The following ZBTB40 variants were observed in gnomAD, a reference collection of about 807,000 sequenced individuals.
ZBTB40 encodes zinc finger and BTB domain containing 40.
A neutral mutation model predicts 117.5 loss-of-function variants in ZBTB40; 60 were observed. The observed-to-expected ratio is 0.51, with a 90% CI of 0.41 to 0.63. The LOEUF is 0.63. Ranked by LOEUF, ZBTB40 falls within the 30% of genes least tolerant of loss-of-function variation. The pLI is 0.00. For synonymous variants in ZBTB40, 525 were observed against 577.1 expected (o/e 0.91, Z 1.29); for missense variants, 1,287 against 1,498.5 (o/e 0.86, Z 2.33).
At chr1:22,502,547 C>A in intron 5 of ZBTB40, 106 bp downstream of exon 5, 1 of 1,451,092 alleles carries the variant, frequency 6.9e-7, no homozygotes, top group Non-Finnish European at 9.6e-7. Flanking sequence ...TTAATACATA[C>A]TGCATAGTAA....
intron 4 of ZBTB40, 118 bp from the exon 5 acceptor site, chr1:22,502,181 C>A: frequency 8.2e-7 from 1 of 1,214,048 alleles, no homozygotes; most frequent in Non-Finnish European, 1.2e-6. Flanking sequence ...CATTCAGGTG[C>A]TCAGAATAAG....
At chr1:22,497,002 G>A (rs963709942) in intron 3 of ZBTB40, among the ~76,000 whole-genome samples, 14 of 152,310 alleles carry the variant, frequency 9.2e-5, no homozygotes, top group African/African-American at 2.9e-4. Context: ...GCAAACCACC[G>A]GTGTAAGTCC....
At chr1:22,495,367 G>A (rs1251096761) in intron 3 of ZBTB40, among the ~76,000 whole-genome samples, 1 of 152,156 alleles carries the variant, frequency 6.6e-6, no homozygotes, top group Non-Finnish European at 1.5e-5. Context: ...CTTTATATCA[G>A]TGTAATATCC....
At chr1:22,495,784 G>A (rs904668724) in intron 3 of ZBTB40, among the ~76,000 whole-genome samples, 15 of 152,282 alleles carry the variant, frequency 9.9e-5, no homozygotes, top group African/African-American at 3.6e-4. Flanking sequence ...CCAAAGTGCT[G>A]GGATTACAGG....
chr1:22,510,566 G>A (rs1419858998), intron 9 of ZBTB40, among the ~76,000 whole-genome samples: 1 of 152,166 alleles, frequency 6.6e-6, no homozygotes, highest in Non-Finnish European at 1.5e-5. Flanking sequence ...TCAGTGTACC[G>A]ACTCTTTCTG....
At chr1:22,439,826 A>G (rs1162680928) in intron 1 of ZBTB40, among the ~76,000 whole-genome samples, 4 of 152,228 alleles carry the variant, frequency 2.6e-5, no homozygotes, top group Non-Finnish European at 5.9e-5. Context: ...GACCATTAAT[A>G]TTCCATATAA....
Position 22,529,659 on chromosome 1 carries a change from A to G in ZBTB40, c.*3263A>G, listed in dbSNP as rs1639777863. On this transcript the variant is annotated 3_prime_UTR_variant, in exon 18 of 18. Coordinates refer to ENST00000375647, the MANE Select transcript of ZBTB40 (RefSeq NM_014870.4). ...TATGGGTAAAGAGACATGAAGAGAC[A>G]GCCTCTCTCTTCTGTCTCAGAAGCT... 1 of 152,252 alleles carries G rather than the reference A, an allele frequency of 6.6e-6. No homozygotes were observed. Among genetic ancestry groups the G allele is most frequent in the African/African-American group, 2.4e-5 (1 of 41,434 alleles). 9.4% of individuals were successfully genotyped at this position (152,252 alleles called of 1,614,324 possible). A position where few individuals can be genotyped will look rare whatever the true frequency, so the allele number is the denominator to read the frequency against.
At chr1:22,490,677 T>C in intron 2 of ZBTB40, 32 bp downstream of exon 2, 2 of 1,606,216 alleles carry the variant, frequency 1.2e-6, no homozygotes, top group East Asian at 4.5e-5. Flanking sequence ...TCCATCCTTC[T>C]GTTTTCAATG....
Position 22,517,423 on chromosome 1 carries a change from G to C in ZBTB40, c.2792G>C (p.Arg931Pro). 11 of 1,614,098 alleles carry C rather than the reference G, an allele frequency of 6.8e-6. No homozygotes were observed. Among genetic ancestry groups the C allele is most frequent in the Non-Finnish European group, 9.3e-6 (11 of 1,180,024 alleles). ...TGCAGAGACTGTGGCAAGGGCTTCC[G>C]GCAAGCCAATGGCCTCTCCATCCAT... ...YVCRDCGKGF[R>P]QANGLSIHLH... Residue 931 changes from arginine to proline, a missense_variant, in exon 13 of 18, where the codon CGG (arginine) becomes CCG (proline). Physicochemically the swap from Arg to Pro is moderately radical, Grantham distance 103. This residue lies in a region of ZBTB40 where 417 missense variants were observed against 564.1 expected (regional missense o/e 0.74). Transcript: ENST00000375647.
At chr1:22,514,518 A>G (rs1639325777) in intron 12 of ZBTB40, among the ~76,000 whole-genome samples, 1 of 152,122 alleles carries the variant, frequency 6.6e-6, no homozygotes, top group Non-Finnish European at 1.5e-5. Flanking sequence ...CACCTGCTCC[A>G]GGACCTTTAT....
At position 22,528,144 on chromosome 1, in the gene ZBTB40, G is replaced by C. The variant is rs1004892010; in HGVS notation, c.*1748G>C. 6.5e-6 allele frequency: 1 copy of C among 152,804 alleles called. No homozygotes were observed. Among genetic ancestry groups the C allele is most frequent in the Non-Finnish European group, 1.5e-5 (1 of 68,060 alleles). 9.5% of individuals were successfully genotyped at this position (152,804 alleles called of 1,614,324 possible). Reference sequence around the variant, plus strand: ...GGCTCACTGTTTCTACCAAGGCTGTGCCTGTATTAAGGCTTTTCCGTCCTG... The same window carrying C: ...GGCTCACTGTTTCTACCAAGGCTGTCCCTGTATTAAGGCTTTTCCGTCCTG... On this transcript the variant is annotated 3_prime_UTR_variant, in exon 18 of 18. Transcript: ENST00000375647.
chr1:22,512,526 C>G (rs1639268525), intron 11 of ZBTB40, among the ~76,000 whole-genome samples: 1 of 152,142 alleles, frequency 6.6e-6, no homozygotes, highest in Non-Finnish European at 1.5e-5. Flanking sequence ...TGGTAACAAA[C>G]AAGAGTCATG....
chr1:22,515,950 G>C (rs1358221416), intron 12 of ZBTB40, among the ~76,000 whole-genome samples: 3 of 152,232 alleles, frequency 2.0e-5, no homozygotes, highest in Non-Finnish European at 4.4e-5. Context: ...GAGCCGTTCA[G>C]TGTAGAGGTG....
In ZBTB40 at chr1:22,513,200, G is replaced by A; in HGVS notation, c.2668+70G>A. 6.5e-7 allele frequency: 1 copy of A among 1,531,624 alleles called. No individual in the cohort carries two copies. Among genetic ancestry groups the A allele is most frequent in the Non-Finnish European group, 8.9e-7 (1 of 1,125,784 alleles). 94.9% of individuals were successfully genotyped at this position (1,531,624 alleles called of 1,614,324 possible). ...AACTGCCTAAACCCCATTTGGATTA[G>A]GTGTGATATATATCTCAAAAACAAA... On this transcript the variant is annotated intron_variant, in intron 12 of 17. Coordinates refer to ENST00000375647, the MANE Select transcript of ZBTB40 (RefSeq NM_014870.4). The surrounding 1 kb of genome is among the most constrained non-coding windows in gnomAD (Gnocchi z 4.9).
chr1:22,456,823 A>G (rs1641015069), intron 1 of ZBTB40, among the ~76,000 whole-genome samples: 1 of 152,222 alleles, frequency 6.6e-6, no homozygotes, highest in South Asian at 2.1e-4. Flanking sequence ...TGAGATGTGG[A>G]CCTATTGTCT....
intron 3 of ZBTB40, 79 bp from the exon 4 acceptor site, chr1:22,501,413 G>T: frequency 6.7e-7 from 1 of 1,500,832 alleles, no homozygotes; most frequent in South Asian, 1.1e-5. Context: ...AACTGTTGAG[G>T]ACCTTGTTTG....
chr1:22,447,923 C>G (rs1408541779), upstream of ZBTB40, among the ~76,000 whole-genome samples: 2 of 152,206 alleles, frequency 1.3e-5, no homozygotes, highest in Non-Finnish European at 2.9e-5. Context: ...AATGCCAAGG[C>G]CCAGACACCT....
intron 1 of ZBTB40, among the ~76,000 whole-genome samples, chr1:22,462,735 G>A (rs1209575228): frequency 6.6e-6 from 1 of 152,134 alleles, no homozygotes; most frequent in East Asian, 1.9e-4. Context: ...TGAAATCTCT[G>A]ATTATAGCCC....
intron 13 of ZBTB40, among the ~76,000 whole-genome samples, chr1:22,517,942 CAGTT>C (rs1195368858): frequency 6.6e-6 from 1 of 152,236 alleles, no homozygotes; most frequent in African/African-American, 2.4e-5. Flanking sequence ...GTATTTCACA[CAGTT>C]AGTGGGGTCT....
Sources: allele counts gnomAD v4.1 joint callset (sites outside exome capture counted in the v4.1 genomes callset), GRCh38; gene constraint gnomAD v4.1.1; regional missense constraint gnomAD v4.1.1; non-coding constraint Gnocchi (gnomAD v3.1); transcripts MANE v1.5; gene names NCBI Gene and HGNC (gene_info 2026-07-23, HGNC 2026-07-21).